Variants in MOSMO observed in about 807,000 individuals in gnomAD.
MOSMO encodes modulator of smoothened, also known as modulator of smoothened protein.
In MOSMO, 5 loss-of-function variants were observed where a neutral mutation model predicts 18.4. That is an observed-to-expected ratio of 0.27 (90% confidence interval 0.14 to 0.57). The LOEUF (loss-of-function observed/expected upper bound fraction) is 0.57, where lower values mean the gene tolerates loss of function less well. Ranked by LOEUF, MOSMO falls within the 20% of genes least tolerant of loss-of-function variation. MOSMO has a pLI of 0.92. For synonymous variants in MOSMO, 82 were observed against 82.3 expected (o/e 1.00, Z 0.02); for missense variants, 138 against 211.8 (o/e 0.65, Z 2.16).
intron 1 of MOSMO, among the ~76,000 whole-genome samples, chr16:22,010,090 A>G (rs1028909271): frequency 3.9e-5 from 6 of 152,126 alleles, no homozygotes; most frequent in Admixed American, 3.9e-4. Flanking sequence ...TAGCTCTTAG[A>G]AAAAAAGTGG....
downstream of MOSMO, among the ~76,000 whole-genome samples, chr16:22,087,930 A>G (rs971351473): frequency 6.6e-6 from 1 of 152,288 alleles, no homozygotes; most frequent in Non-Finnish European, 1.5e-5. Context: ...CTCCTCCACA[A>G]TCCACCTTCC....
chr16:22,010,813 C>T (rs1899509582), intron 1 of MOSMO, among the ~76,000 whole-genome samples: 2 of 151,754 alleles, frequency 1.3e-5, no homozygotes, highest in African/African-American at 2.4e-5. Context: ...CCCAGCTACT[C>T]GGGAGGCTGA....
Position 22,075,602 on chromosome 16 carries a change from G to A in MOSMO, c.222G>A (p.Met74Ile). ...EWVTTLFFIIMGIISLTVTCG... is the reference protein window; with the variant it reads ...EWVTTLFFIIIGIISLTVTCG... ...TCACCACACTGTTTTTTATCATCATGGGAATCATTTCATTGACTGTCACAT... is the reference window on the plus strand; with the variant it reads ...TCACCACACTGTTTTTTATCATCATAGGAATCATTTCATTGACTGTCACAT... Residue 74 changes from methionine (M) to isoleucine (I), a missense_variant, in exon 2 of 3, where the codon ATG (methionine) becomes ATA (isoleucine). By Grantham distance (10) the Met-to-Ile change is conservative. Transcript: ENST00000542527. 1.3e-6 allele frequency: 2 copies of A among 1,537,322 alleles called. No individual in the cohort carries two copies. The highest frequency in any genetic ancestry group is 1.2e-5 in the South Asian group (1 of 84,064).
chr16:22,026,296 G>A (rs1051051434), intron 1 of MOSMO, among the ~76,000 whole-genome samples: 4 of 145,192 alleles, frequency 2.8e-5, no homozygotes, highest in African/African-American at 1.0e-4. Flanking sequence ...TTGGCTCACT[G>A]CAACCTCCAC....
chr16:22,011,890 T>G (rs1163622955), intron 1 of MOSMO, among the ~76,000 whole-genome samples: 2 of 147,868 alleles, frequency 1.4e-5, no homozygotes, highest in African/African-American at 2.5e-5. Context: ...TGAGCTTGTA[T>G]GCTGTACAGT....
intron 1 of MOSMO, among the ~76,000 whole-genome samples, chr16:22,051,332 G>C (rs942208186): frequency 6.6e-6 from 1 of 151,798 alleles, no homozygotes; most frequent in African/African-American, 2.4e-5. Flanking sequence ...AAGTTGCAGT[G>C]AGCCAAGATG....
intron 1 of MOSMO, among the ~76,000 whole-genome samples, chr16:22,053,112 G>A (rs1044516876): frequency 3.3e-5 from 5 of 151,148 alleles, no homozygotes; most frequent in Non-Finnish European, 5.9e-5. Context: ...CCGCCACCAC[G>A]CCCAGCTAAT....
downstream of MOSMO, among the ~76,000 whole-genome samples, chr16:22,090,778 C>T (rs757869174): frequency 3.9e-5 from 6 of 152,106 alleles, no homozygotes; most frequent in African/African-American, 7.2e-5. Flanking sequence ...ATCTGCATCC[C>T]GAAGGGAGCC....
chr16:22,011,748 A>G (rs745699070), intron 1 of MOSMO, among the ~76,000 whole-genome samples: 29 of 152,136 alleles, frequency 1.9e-4, no homozygotes, highest in Admixed American at 1.3e-3. Flanking sequence ...GAGGAATAAG[A>G]GATACTAGGA....
At chr16:22,047,770 CAG>C (rs1900343881) in intron 1 of MOSMO, among the ~76,000 whole-genome samples, 1 of 152,078 alleles carries the variant, frequency 6.6e-6, no homozygotes, top group South Asian at 2.1e-4. Context: ...GACACTGAGA[CAG>C]AGTTAGGACT....
In MOSMO at chr16:22,080,852, T is replaced by G; in HGVS notation, c.476T>G (p.Phe159Cys). 2.1e-6 allele frequency: 3 copies of G among 1,418,858 alleles called. No homozygotes were observed. Among genetic ancestry groups the G allele is most frequent in the East Asian group, 2.8e-5 (1 of 35,552 alleles). 87.9% of individuals were successfully genotyped at this position (1,418,858 alleles called of 1,614,324 possible). The part of the protein sequence containing the change: ...SIFFTIVGLL[F>C]AGKVCLPG Reference sequence around the variant, plus strand: ...TTCTTTACAATAGTAGGACTTCTATTTGCTGGCAAAGTTTGTTTACCAGGC... The same window carrying G: ...TTCTTTACAATAGTAGGACTTCTATGTGCTGGCAAAGTTTGTTTACCAGGC... Residue 159 changes from phenylalanine to cysteine, a missense_variant, in exon 3 of 3, where the codon TTT becomes TGT. Transcript: ENST00000542527.
chr16:22,064,183 T>A (rs1900705307), intron 1 of MOSMO, among the ~76,000 whole-genome samples: 1 of 152,206 alleles, frequency 6.6e-6, no homozygotes, highest in Admixed American at 6.5e-5. Flanking sequence ...GCTTGCTTGT[T>A]TCTTGATCAT....
At chr16:22,050,856 C>A (rs1444961578) in intron 1 of MOSMO, among the ~76,000 whole-genome samples, 1 of 143,838 alleles carries the variant, frequency 7.0e-6, no homozygotes. Flanking sequence ...ATGATCCAGC[C>A]TGGGTGACAA....
chr16:22,075,917 C>T, intron 2 of MOSMO: 1 of 466,784 alleles, frequency 2.1e-6, no homozygotes, highest in Non-Finnish European at 3.9e-6. Context: ...GTATGAAATG[C>T]TATTTTAATG....
At chr16:22,053,334 T>C (rs909487093) in intron 1 of MOSMO, among the ~76,000 whole-genome samples, 1 of 152,116 alleles carries the variant, frequency 6.6e-6, no homozygotes, top group African/African-American at 2.4e-5. Context: ...TTTAACCTTA[T>C]GCAATTTTAG....
chr16:22,060,809 G>A (rs573596688), intron 1 of MOSMO, among the ~76,000 whole-genome samples: 283 of 152,060 alleles, frequency 1.9e-3, no homozygotes, highest in Middle Eastern at 3.4e-3. Flanking sequence ...GCAGGCGGAG[G>A]TTGCAGTGAG....
intron 1 of MOSMO, among the ~76,000 whole-genome samples, chr16:22,037,613 C>A (rs1234457826): frequency 2.6e-5 from 4 of 152,222 alleles, no homozygotes; most frequent in Admixed American, 1.3e-4. Context: ...TTTACCTGTG[C>A]TTCTGATCAA....
downstream of MOSMO, among the ~76,000 whole-genome samples, chr16:22,084,974 C>A (rs1218526112): frequency 1.3e-5 from 2 of 152,220 alleles, no homozygotes; most frequent in East Asian, 3.8e-4. Flanking sequence ...CCAAAGCCCT[C>A]AAGCCAACTA....
At chr16:22,034,136 A>G (rs1900054320) in intron 1 of MOSMO, among the ~76,000 whole-genome samples, 1 of 152,228 alleles carries the variant, frequency 6.6e-6, no homozygotes, top group South Asian at 2.1e-4. Flanking sequence ...ATAACAGAAT[A>G]TTCCCAATTC....
Sources: allele counts gnomAD v4.1 joint callset (sites outside exome capture counted in the v4.1 genomes callset), GRCh38; gene constraint gnomAD v4.1.1; transcripts MANE v1.5; gene names NCBI Gene and HGNC (gene_info 2026-07-23, HGNC 2026-07-21).